The following CRPPA variants were observed in gnomAD, a reference collection of about 807,000 sequenced individuals.
CRPPA encodes the protein D-ribitol-5-phosphate cytidylyltransferase.
A neutral mutation model predicts 52.0 loss-of-function variants in CRPPA; 43 were observed. The ratio of observed to expected loss-of-function variants is 0.83; its 90% CI spans 0.65 to 1.07. The LOEUF is 1.07. Among genes scored for constraint, CRPPA ranks in the 50% least tolerant of loss-of-function variants. The pLI is 0.00. For synonymous variants in CRPPA, 250 were observed against 203.5 expected (o/e 1.23, Z -1.94); for missense variants, 629 against 551.7 (o/e 1.14, Z -1.40).
chr7:16,147,845 A>G (rs1398604175), intron 9 of CRPPA, among the ~76,000 whole-genome samples: 2 of 152,176 alleles, frequency 1.3e-5, no homozygotes, highest in Non-Finnish European at 2.9e-5. Context: ...ATATTTTATA[A>G]ATATTCTAGT....
At chr7:16,283,554 G>A (rs1562606681) in intron 5 of CRPPA, among the ~76,000 whole-genome samples, 1 of 148,812 alleles carries the variant, frequency 6.7e-6, no homozygotes, top group Admixed American at 6.7e-5. Context: ...TACTATATAT[G>A]TGTGTGTGTG....
Position 16,421,200 on chromosome 7 carries a change from C to G in CRPPA, c.123G>C (p.Gly41=), listed in dbSNP as rs761842188. Residue 41 remains glycine, a synonymous_variant, in exon 1 of 10, where the codon GGG becomes GGC. Coordinates refer to ENST00000407010, the MANE Select transcript of CRPPA (RefSeq NM_001101426.4). ...CAGCTGCCACGGCTTGCGGGTGGCG[C>G]CCGGGCTCGGTCCCGGCCACGCTCT... The part of the protein sequence containing the change: ...SLQSVAGTEP[G]RHPQAVAAVL... The G allele has an allele frequency of 1.2e-4, 158 of 1,343,170 alleles. No individual in the cohort carries two copies. In the African/African-American group the frequency reaches 1.8e-3, roughly 16 times the overall value. 83.2% of individuals were successfully genotyped at this position (1,343,170 alleles called of 1,614,324 possible).
intron 3 of CRPPA, among the ~76,000 whole-genome samples, chr7:16,342,403 T>A (rs1468870862): frequency 1.3e-5 from 2 of 152,116 alleles, no homozygotes; most frequent in Admixed American, 6.5e-5. Context: ...ATTATTCTAA[T>A]GATAATTAAA....
intron 2 of CRPPA, among the ~76,000 whole-genome samples, chr7:16,382,151 A>G (rs2128313288): frequency 6.6e-6 from 1 of 152,142 alleles, no homozygotes; most frequent in East Asian, 1.9e-4. Flanking sequence ...TTCCATGTTT[A>G]GTGCTTCCTT....
chr7:16,293,231 A>G (rs1445422373), intron 5 of CRPPA, among the ~76,000 whole-genome samples: 1 of 151,944 alleles, frequency 6.6e-6, no homozygotes, highest in African/African-American at 2.4e-5. Context: ...CAATTCTTCC[A>G]TCGAGCCTCA....
chr7:16,198,024 G>A (rs947203712), intron 9 of CRPPA, among the ~76,000 whole-genome samples: 3 of 122,522 alleles, frequency 2.4e-5, no homozygotes, highest in Non-Finnish European at 4.9e-5. Flanking sequence ...GCGGAAGGCC[G>A]CAGGGACCTC....
At chr7:16,286,037 A>AT (rs1784425768) in intron 5 of CRPPA, among the ~76,000 whole-genome samples, 1 of 15,112 alleles carries the variant, frequency 6.6e-5, no homozygotes, top group Non-Finnish European at 1.2e-4. Context: ...AAAAAAAAAA[A>AT]AATATAAATA....
chr7:16,271,014 A>T (rs1784078154), intron 6 of CRPPA, among the ~76,000 whole-genome samples: 1 of 152,140 alleles, frequency 6.6e-6, no homozygotes, highest in African/African-American at 2.4e-5. Flanking sequence ...GAAAAAAAAA[A>T]GAAACTAAGT....
At chr7:16,154,973 C>CTTTTTTTTT (rs11363510) in intron 9 of CRPPA, among the ~76,000 whole-genome samples, 2 of 127,030 alleles carry the variant, frequency 1.6e-5, no homozygotes, top group African/African-American at 3.0e-5. Flanking sequence ...CTAATTTTTT[C>CTTTTTTTTT]TTTTTTTTTT....
intron 3 of CRPPA, among the ~76,000 whole-genome samples, chr7:16,317,572 T>C (rs1785171298): frequency 6.6e-6 from 1 of 152,180 alleles, no homozygotes; most frequent in Admixed American, 6.5e-5. Context: ...TTCATGTTGT[T>C]AAAAATAGTG....
chr7:16,402,207 G>A (rs1425906929), intron 2 of CRPPA, among the ~76,000 whole-genome samples: 2 of 152,228 alleles, frequency 1.3e-5, no homozygotes, highest in African/African-American at 4.8e-5. Flanking sequence ...TTGAAGGGCA[G>A]GGACAGTTTT....
intron 2 of CRPPA, 116 bp downstream of exon 2, chr7:16,405,945 G>A: frequency 1.1e-6 from 1 of 912,832 alleles, no homozygotes; most frequent in Non-Finnish European, 1.6e-6. Flanking sequence ...ACATCTTTAG[G>A]TCATCATGCA....
chr7:16,246,651 T>C (rs796671127), intron 8 of CRPPA, among the ~76,000 whole-genome samples: 1 of 152,216 alleles, frequency 6.6e-6, no homozygotes, highest in South Asian at 2.1e-4. Context: ...TAACATTAAT[T>C]TTTTTATACT....
At chr7:16,145,333 A>C (rs1255429071) in intron 9 of CRPPA, among the ~76,000 whole-genome samples, 3 of 152,202 alleles carry the variant, frequency 2.0e-5, no homozygotes, top group Admixed American at 2.0e-4. Context: ...CAATTCCAGA[A>C]ACAGTCCTAC....
intron 6 of CRPPA, among the ~76,000 whole-genome samples, chr7:16,259,237 C>T (rs897499534): frequency 6.6e-6 from 1 of 151,768 alleles, no homozygotes; most frequent in Admixed American, 6.6e-5. Context: ...AAAATTGTTT[C>T]ACATAGGAAA....
At chr7:16,248,841 G>A (rs373788560) in intron 8 of CRPPA, among the ~76,000 whole-genome samples, 2 of 152,232 alleles carry the variant, frequency 1.3e-5, no homozygotes, top group East Asian at 3.9e-4. Flanking sequence ...GTACTTGGAG[G>A]AACAGTATAC....
chr7:16,274,080 C>T (rs1784152698), intron 6 of CRPPA, among the ~76,000 whole-genome samples: 1 of 152,146 alleles, frequency 6.6e-6, no homozygotes, highest in Non-Finnish European at 1.5e-5. Flanking sequence ...GACGGAGTCT[C>T]GCTCTGTCGC....
intron 9 of CRPPA, among the ~76,000 whole-genome samples, chr7:16,191,888 A>G (rs900566717): frequency 6.6e-5 from 10 of 151,818 alleles, no homozygotes; most frequent in Non-Finnish European, 1.2e-4. Context: ...TACTATTTTT[A>G]CTCTGTCTCC....
chr7:16,417,529 TA>T (rs1194824010), intron 1 of CRPPA, among the ~76,000 whole-genome samples: 30 of 152,126 alleles, frequency 2.0e-4, no homozygotes, highest in Non-Finnish European at 3.2e-4. Flanking sequence ...CTAAGCAAAT[TA>T]ACAGAGGAAC....
Sources: gnomAD v4.1 joint callset for allele counts (sites outside exome capture counted in the v4.1 genomes callset) on GRCh38, gnomAD v4.1.1 for gene constraint, MANE v1.5 for transcripts, NCBI Gene and HGNC (gene_info 2026-07-23, HGNC 2026-07-21) for gene names.